MGAT4C: variants seen among roughly 807,000 people sequenced by gnomAD.
The protein encoded by MGAT4C is MGAT4 family member C.
A neutral mutation model predicts 40.1 loss-of-function variants in MGAT4C; 19 were observed. The ratio of observed to expected loss-of-function variants is 0.47; its 90% CI spans 0.33 to 0.70. The LOEUF (loss-of-function observed/expected upper bound fraction) is 0.70. Ranked by LOEUF, MGAT4C falls within the 30% of genes least tolerant of loss-of-function variation. The pLI, the probability that MGAT4C is intolerant of heterozygous loss-of-function variation, is 0.02. For synonymous variants in MGAT4C, 181 were observed against 187.1 expected (o/e 0.97, Z 0.27); for missense variants, 491 against 563.2 (o/e 0.87, Z 1.30).
chr12:86,781,684 G>T (rs1333874821), intron 1 of MGAT4C, among the ~76,000 whole-genome samples: 2 of 151,874 alleles, frequency 1.3e-5, no homozygotes, highest in Non-Finnish European at 2.9e-5. Context: ...TCCATTCAGT[G>T]ATACCATTTT....
chr12:86,082,907 G>GA (rs1474236147), intron 1 of MGAT4C, among the ~76,000 whole-genome samples: 1 of 151,782 alleles, frequency 6.6e-6, no homozygotes, highest in African/African-American at 2.4e-5. Context: ...AGTGCCAATG[G>GA]AAAATGACAT....
At chr12:86,431,217 G>C (rs184088795) in intron 3 of MGAT4C, among the ~76,000 whole-genome samples, 2 of 152,178 alleles carry the variant, frequency 1.3e-5, no homozygotes, top group East Asian at 3.9e-4. Context: ...CTGCAATTGG[G>C]CACCACAGCT....
intron 1 of MGAT4C, among the ~76,000 whole-genome samples, chr12:86,057,605 T>C (rs1327045280): frequency 1.3e-5 from 2 of 152,152 alleles, no homozygotes; most frequent in African/African-American, 4.8e-5. Flanking sequence ...GTGACCCCTA[T>C]AGCAATATTG....
At chr12:86,508,555 C>A (rs1171365899) in intron 2 of MGAT4C, among the ~76,000 whole-genome samples, 7 of 152,128 alleles carry the variant, frequency 4.6e-5, no homozygotes, top group South Asian at 4.2e-4. Context: ...ATGATTTATA[C>A]TCCTTTGGGT....
At chr12:86,531,652 A>G (rs1958986468) in intron 2 of MGAT4C, among the ~76,000 whole-genome samples, 1 of 151,874 alleles carries the variant, frequency 6.6e-6, no homozygotes, top group Admixed American at 6.6e-5. Flanking sequence ...ACTCTCCACA[A>G]CACATGATTT....
chr12:86,453,953 T>C (rs1224961937), intron 2 of MGAT4C, among the ~76,000 whole-genome samples: 1 of 152,104 alleles, frequency 6.6e-6, no homozygotes, highest in Admixed American at 6.6e-5. Flanking sequence ...TTATCTACTT[T>C]ATTATTTCTC....
chr12:86,763,106 G>C (rs12424491), intron 1 of MGAT4C, among the ~76,000 whole-genome samples: 1 of 152,148 alleles, frequency 6.6e-6, no homozygotes, highest in Non-Finnish European at 1.5e-5. Flanking sequence ...TGAAGTACAA[G>C]TTCATGTTCC....
At chr12:86,313,830 C>A (rs112530984) in intron 4 of MGAT4C, among the ~76,000 whole-genome samples, 1 of 152,200 alleles carries the variant, frequency 6.6e-6, no homozygotes, top group African/African-American at 2.4e-5. Context: ...AAACATTTTC[C>A]AAATGATCTA....
At chr12:86,138,044 A>C (rs1004576847) in intron 1 of MGAT4C, among the ~76,000 whole-genome samples, 1 of 152,144 alleles carries the variant, frequency 6.6e-6, no homozygotes, top group Non-Finnish European at 1.5e-5. Flanking sequence ...CAGTTTCTCC[A>C]GAAATACTTT....
chr12:86,683,081 C>T (rs1401236608), intron 2 of MGAT4C, among the ~76,000 whole-genome samples: 1 of 152,136 alleles, frequency 6.6e-6, no homozygotes, highest in East Asian at 1.9e-4. Flanking sequence ...TGAAGCCTGA[C>T]TCTGGCACTG....
At chr12:86,295,435 C>T (rs956735214) in intron 4 of MGAT4C, among the ~76,000 whole-genome samples, 6 of 152,042 alleles carry the variant, frequency 3.9e-5, no homozygotes, top group Non-Finnish European at 5.9e-5. Flanking sequence ...CTGGTGGGCT[C>T]GTGGTCTTGC....
At chr12:86,208,231 C>G (rs554439921) in intron 1 of MGAT4C, among the ~76,000 whole-genome samples, 1 of 152,248 alleles carries the variant, frequency 6.6e-6, no homozygotes, top group East Asian at 1.9e-4. Flanking sequence ...TTTGGGAGGC[C>G]GAGGCGGGCA....
chr12:86,334,931 A>G (rs1186180281), intron 3 of MGAT4C, among the ~76,000 whole-genome samples: 1 of 152,090 alleles, frequency 6.6e-6, no homozygotes, highest in Non-Finnish European at 1.5e-5. Flanking sequence ...TAATAATGTT[A>G]TTTTATTTTT....
intron 2 of MGAT4C, among the ~76,000 whole-genome samples, chr12:86,509,078 G>A (rs1433014673): frequency 1.3e-5 from 2 of 152,114 alleles, no homozygotes; most frequent in South Asian, 2.1e-4. Context: ...GATCCCATTT[G>A]TCAATTTTGT....
intron 1 of MGAT4C, among the ~76,000 whole-genome samples, chr12:86,155,823 A>G (rs888526082): frequency 3.3e-5 from 5 of 152,192 alleles, no homozygotes; most frequent in African/African-American, 1.2e-4. Context: ...GGAAATGGGG[A>G]AAAGAGACAC....
intron 2 of MGAT4C, among the ~76,000 whole-genome samples, chr12:86,596,631 C>G (rs1961547879): frequency 6.6e-6 from 1 of 152,130 alleles, no homozygotes; most frequent in Non-Finnish European, 1.5e-5. Flanking sequence ...CCTCCATTCC[C>G]TTTTGTCCTA....
intron 1 of MGAT4C, among the ~76,000 whole-genome samples, chr12:86,184,792 C>T (rs895449466): frequency 1.3e-5 from 2 of 149,828 alleles, no homozygotes; most frequent in Admixed American, 6.7e-5. Context: ...TTTGGACCAG[C>T]CTCCTGCACT....
intron 2 of MGAT4C, among the ~76,000 whole-genome samples, chr12:86,610,504 TCTC>T (rs1466398120): frequency 6.6e-6 from 1 of 152,086 alleles, no homozygotes; most frequent in Non-Finnish European, 1.5e-5. Context: ...ATTGCGTCAT[TCTC>T]CTGGAAGCAG....
intron 4 of MGAT4C, among the ~76,000 whole-genome samples, chr12:86,288,078 A>T (rs1953401188): frequency 6.6e-6 from 1 of 152,040 alleles, no homozygotes; most frequent in African/African-American, 2.4e-5. Context: ...TGTGGTTTTG[A>T]TTTGGATTTC....
Sources: allele counts gnomAD v4.1 joint callset (sites outside exome capture counted in the v4.1 genomes callset), GRCh38; gene constraint gnomAD v4.1.1; transcripts MANE v1.5; gene names NCBI Gene and HGNC (gene_info 2026-07-23, HGNC 2026-07-21).